The following NTM variants were observed in gnomAD, a reference collection of about 807,000 sequenced individuals.
The protein encoded by NTM is neurotrimin.
Under a neutral mutation model 42.1 loss-of-function variants are expected in NTM, and 13 were observed. That is an observed-to-expected ratio of 0.31 (90% confidence interval 0.20 to 0.49). NTM has a LOEUF of 0.49. Among genes scored for constraint, NTM ranks in the 20% least tolerant of loss-of-function variants. The pLI is 0.99. For synonymous variants in NTM, 187 were observed against 179.2 expected (o/e 1.04, Z -0.35); for missense variants, 373 against 452.8 (o/e 0.82, Z 1.60).
At chr11:131,993,234 T>G (rs982482006) in intron 2 of NTM, among the ~76,000 whole-genome samples, 1 of 151,890 alleles carries the variant, frequency 6.6e-6, no homozygotes, top group African/African-American at 2.4e-5. Flanking sequence ...TTCTTGGGAG[T>G]GCATTGCAGT....
At chr11:132,158,550 G>A (rs1202944883) in intron 3 of NTM, among the ~76,000 whole-genome samples, 2 of 152,232 alleles carry the variant, frequency 1.3e-5, no homozygotes, top group Admixed American at 6.5e-5. Flanking sequence ...GGTGGGGCTT[G>A]ATCTGGCATG....
chr11:132,129,052 T>C (rs955520359), intron 2 of NTM, among the ~76,000 whole-genome samples: 1 of 151,652 alleles, frequency 6.6e-6, no homozygotes, highest in Non-Finnish European at 1.5e-5. Context: ...CAGCAGGTTA[T>C]TGAGTGAACA....
intron 2 of NTM, among the ~76,000 whole-genome samples, chr11:131,913,315 T>G (rs898718883): frequency 1.3e-5 from 2 of 151,278 alleles, no homozygotes; most frequent in African/African-American, 4.9e-5. Context: ...ATGGGGAACA[T>G]TTTAGATATA....
intron 1 of NTM, among the ~76,000 whole-genome samples, chr11:131,533,038 C>A (rs1221102801): frequency 6.6e-6 from 1 of 152,050 alleles, no homozygotes; most frequent in Non-Finnish European, 1.5e-5. Flanking sequence ...TAAAACACAG[C>A]TCTGCCTTGC....
intron 1 of NTM, among the ~76,000 whole-genome samples, chr11:131,474,431 A>T (rs1435615048): frequency 6.6e-6 from 1 of 152,020 alleles, no homozygotes; most frequent in Non-Finnish European, 1.5e-5. Context: ...ACATACTAGT[A>T]ATTCCCCAAT....
chr11:131,578,550 A>T (rs557090483), intron 1 of NTM, among the ~76,000 whole-genome samples: 1 of 152,272 alleles, frequency 6.6e-6, no homozygotes, highest in South Asian at 2.1e-4. Context: ...TAACTCTTTC[A>T]TTCATTCTTT....
At chr11:131,949,989 C>A (rs2060798641) in intron 2 of NTM, among the ~76,000 whole-genome samples, 1 of 152,170 alleles carries the variant, frequency 6.6e-6, no homozygotes, top group African/African-American at 2.4e-5. Flanking sequence ...ATGAAGGATG[C>A]TTCTCTGTTT....
rs373252416 is a variant in NTM at position 131,604,352 on chromosome 11, C to A, written c.82+233464C>A. On this transcript the variant is annotated intron_variant, in intron 1 of 8. Coordinates refer to ENST00000683400, the MANE Select transcript of NTM (RefSeq NM_001352005.2). ...ACTTTGGAGGTAGGACTATTCAGAT[C>A]CTGTGACCATTTTTTAAATTGAGTA... Among the ~76,000 whole-genome samples the A allele has an allele frequency of 4.2e-4, 64 of 152,188 alleles. 2 individuals carry two copies. Among genetic ancestry groups the A allele is most frequent in the African/African-American group, 1.5e-3 (62 of 41,516 alleles).
intron 2 of NTM, among the ~76,000 whole-genome samples, chr11:131,931,869 A>G (rs1385325345): frequency 6.6e-6 from 1 of 152,140 alleles, no homozygotes; most frequent in Non-Finnish European, 1.5e-5. Context: ...GCCAAAATAC[A>G]ATAGGGAACT....
At chr11:131,485,288 T>C (rs1025538761) in intron 1 of NTM, among the ~76,000 whole-genome samples, 2 of 145,446 alleles carry the variant, frequency 1.4e-5, no homozygotes, top group African/African-American at 2.8e-5. Flanking sequence ...ATGAAGGCTG[T>C]GACATGGCCA....
At chr11:131,401,860 A>ATATATATATATAT in intron 1 of NTM, among the ~76,000 whole-genome samples, 1 of 107,730 alleles carries the variant, frequency 9.3e-6, no homozygotes, top group South Asian at 3.1e-4. Context: ...ATATATATAT[A>ATATATATATATAT]TTTTAATTTA....
intron 1 of NTM, among the ~76,000 whole-genome samples, chr11:131,501,776 C>A (rs144743271): frequency 1.5e-3 from 221 of 152,266 alleles, no homozygotes; most frequent in African/African-American, 4.9e-3. Flanking sequence ...AGCAAAATCA[C>A]TGGCGATTGC....
At chr11:131,418,540 A>T (rs1947177303) in intron 1 of NTM, among the ~76,000 whole-genome samples, 1 of 152,218 alleles carries the variant, frequency 6.6e-6, no homozygotes, top group Non-Finnish European at 1.5e-5. Context: ...GAGGGAACAA[A>T]CAGCATGTGA....
intron 1 of NTM, chr11:131,774,218 G>A (rs1440426433): frequency 3.0e-6 from 2 of 667,186 alleles, no homozygotes; most frequent in Non-Finnish European, 1.9e-6. Context: ...TACCCCTCAG[G>A]CACTGATTTT....
At chr11:131,600,951 G>T (rs555592348) in intron 1 of NTM, among the ~76,000 whole-genome samples, 2 of 152,136 alleles carry the variant, frequency 1.3e-5, no homozygotes, top group Admixed American at 1.3e-4. Context: ...CATCTGATTT[G>T]CCCATCTGCT....
At chr11:131,667,125 AC>A (rs1037318549) in intron 1 of NTM, among the ~76,000 whole-genome samples, 10 of 152,068 alleles carry the variant, frequency 6.6e-5, no homozygotes, top group African/African-American at 2.2e-4. Flanking sequence ...TTGCCATCCC[AC>A]CTCTGTGCCC....
chr11:131,567,724 A>C (rs1331557773), intron 1 of NTM, among the ~76,000 whole-genome samples: 1 of 152,200 alleles, frequency 6.6e-6, no homozygotes. Context: ...AGTTGTGTAA[A>C]TGTTAAAGTC....
At chr11:131,762,888 G>T (rs1272101110) in intron 1 of NTM, among the ~76,000 whole-genome samples, 6 of 152,206 alleles carry the variant, frequency 3.9e-5, no homozygotes, top group Non-Finnish European at 1.5e-5. Flanking sequence ...GGAGCCTTCT[G>T]CCTCCCCATT....
At chr11:132,009,863 A>G (rs972169922) in intron 2 of NTM, among the ~76,000 whole-genome samples, 1 of 152,220 alleles carries the variant, frequency 6.6e-6, no homozygotes, top group African/African-American at 2.4e-5. Flanking sequence ...GAACAGAAGG[A>G]TGGAGAAGAG....
Sources: allele counts gnomAD v4.1 joint callset (sites outside exome capture counted in the v4.1 genomes callset), GRCh38; gene constraint gnomAD v4.1.1; transcripts MANE v1.5; gene names NCBI Gene and HGNC (gene_info 2026-07-23, HGNC 2026-07-21).